The following CNTNAP2 variants were observed in gnomAD, a reference collection of about 807,000 sequenced individuals.
CNTNAP2 encodes the protein contactin-associated protein-like 2.
In CNTNAP2, 98 loss-of-function variants were observed where a neutral mutation model predicts 155.2. The ratio of observed to expected loss-of-function variants is 0.63; its 90% CI spans 0.54 to 0.75. The LOEUF is 0.75. CNTNAP2 is among the 30% of genes least tolerant of loss of function. The pLI is 0.00. For synonymous variants in CNTNAP2, 651 were observed against 631.2 expected (o/e 1.03, Z -0.47); for missense variants, 1,727 against 1,688.1 (o/e 1.02, Z -0.40).
chr7:147,758,685 A>G (rs1797253493), intron 13 of CNTNAP2, among the ~76,000 whole-genome samples: 1 of 152,084 alleles, frequency 6.6e-6, no homozygotes, highest in African/African-American at 2.4e-5. Context: ...CTCTACAAAA[A>G]AATACAAAAA....
chr7:147,867,699 G>T (rs1799257963), intron 13 of CNTNAP2, among the ~76,000 whole-genome samples: 1 of 151,846 alleles, frequency 6.6e-6, no homozygotes, highest in African/African-American at 2.4e-5. Context: ...TCATTAATTT[G>T]ATCTTCAGTC....
At chr7:147,613,015 T>A (rs562666383) in intron 12 of CNTNAP2, among the ~76,000 whole-genome samples, 1 of 152,350 alleles carries the variant, frequency 6.6e-6, no homozygotes, top group East Asian at 1.9e-4. Flanking sequence ...TGTTCAAGAA[T>A]TCCTTTAGGA....
At chr7:148,222,404 A>G (rs1795762864) in intron 19 of CNTNAP2, among the ~76,000 whole-genome samples, 2 of 152,150 alleles carry the variant, frequency 1.3e-5, no homozygotes, top group South Asian at 4.1e-4. Flanking sequence ...GGCGAGGTTA[A>G]GCTGCCAGCT....
At chr7:147,417,911 C>T (rs570550749) in intron 10 of CNTNAP2, among the ~76,000 whole-genome samples, 8 of 152,206 alleles carry the variant, frequency 5.3e-5, no homozygotes, top group African/African-American at 1.4e-4. Context: ...TAAAAGTTCA[C>T]GCAATTATTA....
At chr7:147,457,373 G>A (rs1176561474) in intron 10 of CNTNAP2, among the ~76,000 whole-genome samples, 3 of 152,056 alleles carry the variant, frequency 2.0e-5, no homozygotes, top group African/African-American at 4.8e-5. Context: ...ACGCTCAGCC[G>A]GAAATTCTTC....
intron 1 of CNTNAP2, among the ~76,000 whole-genome samples, chr7:146,505,938 T>C (rs1040404336): frequency 2.6e-5 from 4 of 152,102 alleles, no homozygotes; most frequent in African/African-American, 7.2e-5. Context: ...AGAGGTGGAG[T>C]AACATGCAAA....
chr7:147,782,125 C>T (rs1797670531), intron 13 of CNTNAP2, among the ~76,000 whole-genome samples: 1 of 151,880 alleles, frequency 6.6e-6, no homozygotes, highest in Non-Finnish European at 1.5e-5. Context: ...TGTCTAATAC[C>T]CAATCAGAAG....
chr7:147,206,430 G>T (rs1223937264), intron 8 of CNTNAP2, among the ~76,000 whole-genome samples: 1 of 152,074 alleles, frequency 6.6e-6, no homozygotes, highest in Non-Finnish European at 1.5e-5. Context: ...AGGCATGGTG[G>T]TGTATGCCTG....
Position 148,229,753 on chromosome 7 carries a change from C to T in CNTNAP2, c.3355C>T (p.Arg1119Cys), listed in dbSNP as rs367664952. ...NGQPHSVNIT[R>C]HEKTIFLKLD... ...ACAGCCCCACAGTGTCAACATCACC[C>T]GCCACGAGAAGACCATCTTTCTCAA... The change falls in exon 20 of 24, where the codon CGC (arginine) becomes TGC (cysteine). Residue 1119 changes from arginine to cysteine, a missense_variant. Coordinates refer to ENST00000361727, the MANE Select transcript of CNTNAP2 (RefSeq NM_014141.6). The T allele has an allele frequency of 5.5e-5, 88 of 1,613,920 alleles. No homozygotes were observed. The highest frequency in any genetic ancestry group is 6.4e-5 in the Non-Finnish European group (76 of 1,179,996).
chr7:146,998,572 A>G (rs557730280), intron 3 of CNTNAP2, among the ~76,000 whole-genome samples: 1 of 152,088 alleles, frequency 6.6e-6, no homozygotes, highest in South Asian at 2.1e-4. Context: ...CAGTTTCAAC[A>G]TGATGTTTCT....
chr7:147,709,169 G>C (rs1032310708), intron 13 of CNTNAP2, among the ~76,000 whole-genome samples: 1 of 152,112 alleles, frequency 6.6e-6, no homozygotes, highest in Admixed American at 6.6e-5. Flanking sequence ...TCCAGGCAAT[G>C]GCCGAGCAGA....
chr7:147,587,510 C>T (rs1302449930), intron 12 of CNTNAP2, among the ~76,000 whole-genome samples: 4 of 152,148 alleles, frequency 2.6e-5, no homozygotes, highest in Non-Finnish European at 5.9e-5. Flanking sequence ...TGAACTTGAT[C>T]TAGTTTGGAT....
intron 12 of CNTNAP2, among the ~76,000 whole-genome samples, chr7:147,626,332 C>A (rs1309428787): frequency 6.6e-6 from 1 of 151,060 alleles, no homozygotes; most frequent in African/African-American, 2.5e-5. Flanking sequence ...CTGGCCTTGC[C>A]AATTGCATGG....
At chr7:147,400,448 A>G (rs1399172347) in intron 10 of CNTNAP2, among the ~76,000 whole-genome samples, 1 of 152,152 alleles carries the variant, frequency 6.6e-6, no homozygotes, top group East Asian at 1.9e-4. Flanking sequence ...GCCAGGACAC[A>G]TGGTTAGGAA....
At chr7:146,336,594 G>A (rs1235755784) in intron 1 of CNTNAP2, among the ~76,000 whole-genome samples, 4 of 151,406 alleles carry the variant, frequency 2.6e-5, no homozygotes, top group African/African-American at 7.3e-5. Flanking sequence ...TTTCATCTAC[G>A]AAAGTAAAAA....
intron 1 of CNTNAP2, among the ~76,000 whole-genome samples, chr7:146,235,976 G>A (rs556582164): frequency 6.6e-6 from 1 of 151,662 alleles, no homozygotes; most frequent in African/African-American, 2.4e-5. Flanking sequence ...GTGTGTGTGT[G>A]TGTGCGCGCG....
intron 3 of CNTNAP2, among the ~76,000 whole-genome samples, chr7:146,865,732 A>T (rs1236979275): frequency 6.6e-6 from 1 of 152,200 alleles, no homozygotes; most frequent in African/African-American, 2.4e-5. Flanking sequence ...GCCATTTATT[A>T]GGACAAAAAA....
At chr7:147,541,233 G>A (rs1196467534) in intron 11 of CNTNAP2, among the ~76,000 whole-genome samples, 1 of 152,168 alleles carries the variant, frequency 6.6e-6, no homozygotes, top group Non-Finnish European at 1.5e-5. Flanking sequence ...GTATAATGCA[G>A]TGGCTAGGAA....
chr7:146,976,954 C>T (rs1482323169), intron 3 of CNTNAP2, among the ~76,000 whole-genome samples: 2 of 151,992 alleles, frequency 1.3e-5, no homozygotes, highest in African/African-American at 2.4e-5. Context: ...GTAGCCCCCT[C>T]CAGGACAGAA....
Sources: gnomAD v4.1 joint callset for allele counts (sites outside exome capture counted in the v4.1 genomes callset) on GRCh38, gnomAD v4.1.1 for gene constraint, MANE v1.5 for transcripts, NCBI Gene and HGNC (gene_info 2026-07-23, HGNC 2026-07-21) for gene names.